The following FUT8 variants were observed in gnomAD, a reference collection of about 807,000 sequenced individuals.
FUT8 encodes fucosyltransferase 8.
FUT8 carries 29 observed loss-of-function variants against 71.3 expected under a neutral mutation model. The observed-to-expected ratio is 0.41, with a 90% CI of 0.30 to 0.55. The LOEUF is 0.55. Among genes scored for constraint, FUT8 ranks in the 20% least tolerant of loss-of-function variants. FUT8 has a pLI of 0.34. For missense variants in FUT8, 544 were observed against 702.1 expected (o/e 0.77, Z 2.55); for synonymous variants, 254 against 239.3 (o/e 1.06, Z -0.57).
At chr14:65,465,001 A>G (rs1266820402) in intron 2 of FUT8, among the ~76,000 whole-genome samples, 1 of 152,206 alleles carries the variant, frequency 6.6e-6, no homozygotes, top group Non-Finnish European at 1.5e-5. Context: ...GGTTTTAAAA[A>G]TTGATTTAGG....
At chr14:65,430,658 A>G (rs1371527033) in intron 1 of FUT8, among the ~76,000 whole-genome samples, 2 of 152,226 alleles carry the variant, frequency 1.3e-5, no homozygotes, top group African/African-American at 4.8e-5. Flanking sequence ...TGTGTAATCA[A>G]ATACTACTTT....
upstream of FUT8, among the ~76,000 whole-genome samples, chr14:65,405,841 G>A (rs2065087233): frequency 1.3e-5 from 2 of 152,182 alleles, no homozygotes; most frequent in Non-Finnish European, 2.9e-5. Flanking sequence ...TTATATCTAG[G>A]TGAGGCCTGA....
At chr14:65,658,320 T>C (rs999717079) in intron 6 of FUT8, among the ~76,000 whole-genome samples, 1 of 152,142 alleles carries the variant, frequency 6.6e-6, no homozygotes, top group Non-Finnish European at 1.5e-5. Flanking sequence ...AACAACCAGC[T>C]CTTTCATGCA....
At chr14:65,404,339 T>C in the FUT8 span, among the ~76,000 whole-genome samples, 1 of 150,942 alleles carries the variant, frequency 6.6e-6, no homozygotes, top group Non-Finnish European at 1.5e-5. Flanking sequence ...GCCCAGCTAA[T>C]TTTTTTGTAT....
Position 65,693,533 on chromosome 14 carries a change from AGAGGGAGAGAGG to A in FUT8, c.835+24059_835+24070del, listed in dbSNP as rs796898154. ...AGAGAGGGAGAGGGAGACCGTGGGG[AGAGGGAGAGAGG>A]GAGGGGGAGAGGGAGAATAATTCTT... is the stretch of plus-strand genomic sequence containing the variant. On this transcript the variant is annotated intron_variant, in intron 7 of 10. Transcript: ENST00000673929. Among the ~76,000 whole-genome samples, 19 of 152,192 alleles carry A rather than the reference AGAGGGAGAGAGG, an allele frequency of 1.2e-4. 3 individuals carry two copies. Among genetic ancestry groups the A allele is most frequent in the African/African-American group, 4.3e-4 (18 of 41,534 alleles).
At chr14:65,612,064 G>C (rs1022629369) in intron 3 of FUT8, among the ~76,000 whole-genome samples, 17 of 152,230 alleles carry the variant, frequency 1.1e-4, no homozygotes, top group African/African-American at 4.1e-4. Context: ...TCTAACATCT[G>C]TGTCAGTTTT....
At chr14:65,536,985 T>G (rs1224785183) in intron 2 of FUT8, among the ~76,000 whole-genome samples, 4 of 123,652 alleles carry the variant, frequency 3.2e-5, no homozygotes, top group African/African-American at 8.9e-5. Flanking sequence ...TTTTTTTTTT[T>G]GCTGACTGTC....
At chr14:65,612,988 A>C (rs1032276484) in intron 3 of FUT8, among the ~76,000 whole-genome samples, 1 of 152,078 alleles carries the variant, frequency 6.6e-6, no homozygotes, top group Non-Finnish European at 1.5e-5. Flanking sequence ...GAGTTTGGAA[A>C]GAATAGTTCT....
intron 6 of FUT8, among the ~76,000 whole-genome samples, chr14:65,650,126 C>T (rs541928711): frequency 2.6e-5 from 4 of 151,788 alleles, no homozygotes; most frequent in Non-Finnish European, 4.4e-5. Flanking sequence ...GAAACCCCGT[C>T]TCTACTAAAA....
chr14:65,521,606 A>T (rs113534546), intron 2 of FUT8, among the ~76,000 whole-genome samples: 1 of 152,376 alleles, frequency 6.6e-6, no homozygotes, highest in South Asian at 2.1e-4. Context: ...GTTTCAGACA[A>T]GATCAAAAGC....
intron 2 of FUT8, among the ~76,000 whole-genome samples, chr14:65,548,551 A>AT (rs1040067970): frequency 9.2e-5 from 14 of 151,964 alleles, no homozygotes; most frequent in South Asian, 8.3e-4. Flanking sequence ...TTTGAGATTA[A>AT]TTTTTTGTGG....
chr14:65,690,491 A>G (rs961523766), intron 7 of FUT8, among the ~76,000 whole-genome samples: 1 of 152,198 alleles, frequency 6.6e-6, no homozygotes, highest in Non-Finnish European at 1.5e-5. Context: ...CATTGACAAT[A>G]TTGAGTCTTC....
intron 2 of FUT8, among the ~76,000 whole-genome samples, chr14:65,546,884 T>G (rs543174255): frequency 6.6e-6 from 1 of 151,890 alleles, no homozygotes; most frequent in South Asian, 2.1e-4. Flanking sequence ...AAATACGCAT[T>G]CAACTTCCTT....
intron 2 of FUT8, among the ~76,000 whole-genome samples, chr14:65,514,626 C>G (rs560418509): frequency 6.6e-6 from 1 of 151,926 alleles, no homozygotes; most frequent in East Asian, 1.9e-4. Flanking sequence ...ATCAATGTAT[C>G]AATAGTTTCT....
the FUT8 span, among the ~76,000 whole-genome samples, chr14:65,394,343 T>C: frequency 9.9e-5 from 15 of 152,124 alleles, no homozygotes; most frequent in Admixed American, 9.8e-4. Context: ...ACCACTATGA[T>C]TCAATTATCT....
At chr14:65,436,350 G>T (rs965873848) in intron 1 of FUT8, among the ~76,000 whole-genome samples, 5 of 152,104 alleles carry the variant, frequency 3.3e-5, no homozygotes. Context: ...AATGATAGTG[G>T]CCAGGCACAG....
intron 2 of FUT8, among the ~76,000 whole-genome samples, chr14:65,533,293 G>T (rs1884076495): frequency 6.6e-6 from 1 of 152,126 alleles, no homozygotes; most frequent in East Asian, 1.9e-4. Context: ...CCACGATCAT[G>T]GAGTGTTTTC....
intron 2 of FUT8, among the ~76,000 whole-genome samples, chr14:65,485,617 G>A (rs1479624352): frequency 6.6e-6 from 1 of 152,044 alleles, no homozygotes; most frequent in African/African-American, 2.4e-5. Flanking sequence ...TTTTTCCCCA[G>A]CCTCCAGTAG....
At chr14:65,417,561 C>G (rs548765159) in intron 1 of FUT8, among the ~76,000 whole-genome samples, 2 of 152,216 alleles carry the variant, frequency 1.3e-5, no homozygotes, top group South Asian at 2.1e-4. Flanking sequence ...CTTTTGTACT[C>G]TTACTGAAAG....
Sources: allele counts gnomAD v4.1 joint callset (sites outside exome capture counted in the v4.1 genomes callset), GRCh38; gene constraint gnomAD v4.1.1; transcripts MANE v1.5; gene names NCBI Gene and HGNC (gene_info 2026-07-23, HGNC 2026-07-21).